Variants in EVC2 observed in about 807,000 individuals in gnomAD.
The protein encoded by EVC2 is EvC ciliary complex subunit 2.
In EVC2, 148 loss-of-function variants were observed where a neutral mutation model predicts 149.3. That is an observed-to-expected ratio of 0.99 (90% CI 0.87 to 1.14). The LOEUF (loss-of-function observed/expected upper bound fraction) is 1.14, where lower values mean the gene tolerates loss of function less well. Ranked by LOEUF, EVC2 falls within the 50% of genes most tolerant of loss-of-function variation. The pLI, the probability that EVC2 is intolerant of heterozygous loss-of-function variation, is 0.00. For synonymous variants in EVC2, 776 were observed against 649.9 expected (o/e 1.19, Z -2.95); for missense variants, 1,854 against 1,627.3 (o/e 1.14, Z -2.40).
intron 20 of EVC2, among the ~76,000 whole-genome samples, chr4:5,566,246 G>A (rs1322551552): frequency 6.6e-6 from 1 of 152,226 alleles, no homozygotes; most frequent in African/African-American, 2.4e-5. Context: ...GTCAAGTCAA[G>A]CCAATAAAGG....
chr4:5,534,117 C>T, the EVC2 span, among the ~76,000 whole-genome samples: 1 of 142,898 alleles, frequency 7.0e-6, no homozygotes. Flanking sequence ...AAAAGATCAG[C>T]CTGGCTGCTC....
intron 21 of EVC2, among the ~76,000 whole-genome samples, chr4:5,556,145 C>CT (rs1389551411): frequency 8.4e-6 from 1 of 119,124 alleles, no homozygotes; most frequent in Non-Finnish European, 1.6e-5. Flanking sequence ...TGCCATTGCA[C>CT]TCTAACCCCA....
chr4:5,636,094 C>T lies in EVC2; in HGVS notation c.1471-4062G>A, dbSNP rs1004096469. Among the ~76,000 whole-genome samples the T allele has an allele frequency of 6.6e-6, 1 of 152,142 alleles. No individual in the cohort carries two copies. The highest frequency in any genetic ancestry group is 2.4e-5 in the African/African-American group (1 of 41,414). ...TTAACTTACTTATACTCACAACAGC[C>T]CTCTAAGACCTCAGGCATCATGATT... On this transcript the variant is annotated intron_variant, in intron 10 of 21. Transcript: ENST00000344408. This position sits in a 1 kb window ranked among gnomAD's most constrained non-coding sequence, Gnocchi z 4.6.
chr4:5,585,035 G>A (rs190418478), intron 16 of EVC2, among the ~76,000 whole-genome samples, 185 bp from the exon 17 acceptor site: 4 of 152,272 alleles, frequency 2.6e-5, no homozygotes, highest in Admixed American at 6.5e-5. Flanking sequence ...GTATGAAGAC[G>A]CCAGGGGCTT....
downstream of EVC2, among the ~76,000 whole-genome samples, chr4:5,541,153 G>A (rs951438534): frequency 6.6e-6 from 1 of 152,178 alleles, no homozygotes; most frequent in African/African-American, 2.4e-5. Flanking sequence ...AGGAATCAGG[G>A]TAGGCAAAAA....
chr4:5,596,572 G>A (rs182201897), intron 16 of EVC2, among the ~76,000 whole-genome samples: 1 of 152,224 alleles, frequency 6.6e-6, no homozygotes, highest in African/African-American at 2.4e-5. Context: ...TCAAAGCAGT[G>A]TGTAGAGGGA....
At chr4:5,556,440 A>T (rs9996791) in intron 21 of EVC2, among the ~76,000 whole-genome samples, 2,614 of 152,162 alleles carry the variant, frequency 0.017, 71 homozygotes, top group African/African-American at 0.059. Flanking sequence ...CAGTTAAAGT[A>T]GTGCCTAAAG....
intron 14 of EVC2, among the ~76,000 whole-genome samples, chr4:5,621,807 C>T (rs1236029574): frequency 1.3e-5 from 2 of 152,032 alleles, no homozygotes; most frequent in South Asian, 2.1e-4. Flanking sequence ...CCCAGGAGTT[C>T]GAGACCAGCC....
At chr4:5,658,906 A>T (rs1321185737) in intron 9 of EVC2, among the ~76,000 whole-genome samples, 1 of 152,206 alleles carries the variant, frequency 6.6e-6, no homozygotes, top group Non-Finnish European at 1.5e-5. Context: ...AGAAGCTTCC[A>T]GGACCAGCCA....
At chr4:5,685,583 C>G in intron 5 of EVC2, 104 bp from the exon 6 acceptor site, 1 of 886,858 alleles carries the variant, frequency 1.1e-6, no homozygotes, top group Non-Finnish European at 1.8e-6. Flanking sequence ...TCAGTGGTTC[C>G]AAGGGAGGCC....
At chr4:5,584,597 C>T (rs575806400) in intron 17 of EVC2, 26 bp downstream of exon 17, 13 of 1,606,240 alleles carry the variant, frequency 8.1e-6, no homozygotes, top group East Asian at 2.2e-5. Flanking sequence ...CTCTGTCCCC[C>T]TCTCCTTCCC....
At chr4:5,678,429 TCTC>T (rs1437786210) in intron 7 of EVC2, among the ~76,000 whole-genome samples, 1 of 152,118 alleles carries the variant, frequency 6.6e-6, no homozygotes, top group Non-Finnish European at 1.5e-5. Context: ...TCTCCAAACT[TCTC>T]CTCATGCAAC....
chr4:5,708,674 G>GC (rs1234970799), upstream of EVC2: 8 of 522,992 alleles, frequency 1.5e-5, no homozygotes, highest in Non-Finnish European at 2.5e-5. Flanking sequence ...GCCAGGAGGT[G>GC]CCGGACGGGC....
chr4:5,587,488 A>AT (rs1406102880), intron 16 of EVC2, among the ~76,000 whole-genome samples: 1 of 152,162 alleles, frequency 6.6e-6, no homozygotes, highest in African/African-American at 2.4e-5. Flanking sequence ...CAATCAGTCA[A>AT]TTTTTGGAAG....
At chr4:5,533,812 C>A in the EVC2 span, among the ~76,000 whole-genome samples, 2 of 152,154 alleles carry the variant, frequency 1.3e-5, no homozygotes, top group African/African-American at 4.8e-5. Context: ...GAGGTGATAT[C>A]TGAGCTGAAA....
In EVC2 at chr4:5,696,789, T is replaced by C. The variant is rs552625117; in HGVS notation, c.283+804A>G. ...TTCCTCTTGATGAAATGAGTGTCAGTTGAATTTCGACCACTGAGTGTGGCA... is the reference window on the plus strand; with the variant it reads ...TTCCTCTTGATGAAATGAGTGTCAGCTGAATTTCGACCACTGAGTGTGGCA... On this transcript the variant is annotated intron_variant, in intron 2 of 21. Coordinates refer to ENST00000344408, the MANE Select transcript of EVC2 (RefSeq NM_147127.5). This position sits in a 1 kb window ranked among gnomAD's most constrained non-coding sequence, Gnocchi z 4.1. Among the ~76,000 whole-genome samples, 2 of 152,326 alleles carry C rather than the reference T, an allele frequency of 1.3e-5. No homozygotes were observed. Among genetic ancestry groups the C allele is most frequent in the Non-Finnish European group, 2.9e-5 (2 of 68,022 alleles).
Position 5,637,912 on chromosome 4 carries a change from T to C in EVC2, c.1470+2602A>G, listed in dbSNP as rs1716998640. 6.6e-6 allele frequency among the ~76,000 whole-genome samples: 1 copy of C among 151,960 alleles called. No homozygotes were observed. The highest frequency in any genetic ancestry group is 2.1e-4 in the South Asian group (1 of 4,804). On this transcript the variant is annotated intron_variant, in intron 10 of 21. Transcript: ENST00000344408. The surrounding 1 kb of genome is among the most constrained non-coding windows in gnomAD (Gnocchi z 4.4). ...TAGAGTTTGTCACCTGAGGTCTCTG[T>C]TATGTATTCTTGTTTGTGTATTTGA...
At position 5,608,759 on chromosome 4, in the gene EVC2, T is replaced by C. The variant is rs114628540; in HGVS notation, c.2829+6663A>G. 8.7e-3 allele frequency among the ~76,000 whole-genome samples: 1,324 copies of C among 152,164 alleles called. 22 individuals carry two copies. The highest frequency in any genetic ancestry group is 0.03 in the African/African-American group (1,242 of 41,524). On this transcript the variant is annotated intron_variant, in intron 16 of 21. Transcript: ENST00000344408. ...ACATGTTGGCCAGCTGATCTTGAAT[T>C]TGACCTCAAGTGATTCACCCGCCTC...
At chr4:5,548,936 CCCTTCCTTCCTT>C (rs796701936) in intron 21 of EVC2, among the ~76,000 whole-genome samples, 14 of 132,382 alleles carry the variant, frequency 1.1e-4, no homozygotes, top group Admixed American at 3.1e-4. Context: ...AAAACAAGAG[CCCTTCCTTCCTT>C]CCTTCCTTCC....
Sources: allele counts gnomAD v4.1 joint callset (sites outside exome capture counted in the v4.1 genomes callset), GRCh38; gene constraint gnomAD v4.1.1; non-coding constraint Gnocchi (gnomAD v3.1); transcripts MANE v1.5; gene names NCBI Gene and HGNC (gene_info 2026-07-23, HGNC 2026-07-21).